Variants in PCDHA8 observed in about 807,000 individuals in gnomAD.
PCDHA8 encodes protocadherin alpha-8.
In PCDHA8, 53 loss-of-function variants were observed where a neutral mutation model predicts 61.8. The observed-to-expected ratio is 0.86, with a 90% CI of 0.69 to 1.08. The LOEUF is 1.08. PCDHA8 is among the 50% of genes least tolerant of loss of function. The pLI is 0.00. For synonymous variants in PCDHA8, 618 were observed against 556.6 expected, an observed-to-expected ratio of 1.11 and a Z score of -1.55; for missense variants, 1,293 against 1,245.0, an observed-to-expected ratio of 1.04 and a Z score of -0.58.
intron 1 of PCDHA8, chr5:140,967,333 C>T (rs113984883): frequency 1.9e-6 from 3 of 1,608,148 alleles, no homozygotes; most frequent in Admixed American, 1.7e-5. Context: ...AGCTCAGCCC[C>T]AGCGAGCACT....
At chr5:140,937,316 C>T (rs1355509287) in intron 1 of PCDHA8, among the ~76,000 whole-genome samples, 7 of 152,044 alleles carry the variant, frequency 4.6e-5, no homozygotes, top group Admixed American at 3.9e-4. Context: ...GGATTACAGG[C>T]GTGAGCCACC....
chr5:140,934,915 A>G (rs1324840546), intron 1 of PCDHA8, among the ~76,000 whole-genome samples: 3 of 152,132 alleles, frequency 2.0e-5, no homozygotes, highest in Non-Finnish European at 4.4e-5. Context: ...ATAATTATGG[A>G]TTCACATAAA....
At chr5:141,008,410 A>G (rs782459591) in intron 3 of PCDHA8, among the ~76,000 whole-genome samples, 33 of 152,184 alleles carry the variant, frequency 2.2e-4, no homozygotes, top group Non-Finnish European at 3.7e-4. Context: ...TTCCAATGTC[A>G]TGGCCACTGG....
chr5:140,910,864 A>G (rs2153516118), intron 1 of PCDHA8, among the ~76,000 whole-genome samples: 1 of 152,266 alleles, frequency 6.6e-6, no homozygotes, highest in Non-Finnish European at 1.5e-5. Context: ...TCCATCCACC[A>G]TTATCCCACA....
intron 1 of PCDHA8, 55 bp downstream of exon 1, chr5:140,843,770 C>A: frequency 6.8e-7 from 1 of 1,463,438 alleles, no homozygotes; most frequent in Non-Finnish European, 9.4e-7. Flanking sequence ...ATTGTAGTTA[C>A]TTTAAAAGTG....
At chr5:140,960,488 GT>G (rs1373763536) in intron 1 of PCDHA8, among the ~76,000 whole-genome samples, 4 of 152,150 alleles carry the variant, frequency 2.6e-5, no homozygotes, top group African/African-American at 9.7e-5. Flanking sequence ...AGAGGTGTAG[GT>G]TTGTTTGTTC....
chr5:140,982,604 A>G, intron 3 of PCDHA8, 41 bp downstream of exon 3: 1 of 1,607,164 alleles, frequency 6.2e-7, no homozygotes, highest in Non-Finnish European at 8.5e-7. Context: ...TGGTTTCTGG[A>G]AAGTGATCAG....
At chr5:140,883,621 C>T (rs368758287) in intron 1 of PCDHA8, 80 of 1,613,850 alleles carry the variant, frequency 5.0e-5, no homozygotes, top group Non-Finnish European at 6.4e-5. Flanking sequence ...TGAACGACAA[C>T]GCGCCGGCGT....
At position 140,855,779 on chromosome 5, in the gene PCDHA8, A is replaced by T. The variant is rs1017564312; in HGVS notation, c.2394+12064A>T. On this transcript the variant is annotated intron_variant, in intron 1 of 3. Transcript: ENST00000531613. ...AAAGTCCATAGACATAAAAATACGT[A>T]AAAAAAGAATTAACATATGAATGAA... is the stretch of plus-strand genomic sequence containing the variant. 1.2e-5 allele frequency: 5 copies of T among 408,902 alleles called. 1 individual carries two copies. Among genetic ancestry groups the T allele is most frequent in the African/African-American group, 2.0e-5 (1 of 49,354 alleles). The allele number at this position is 408,902 out of a possible 1,614,324, so 25.3% of individuals were successfully genotyped here.
In PCDHA8 at chr5:140,943,140, C is replaced by CCCAGCTA. The variant is rs377502817; in HGVS notation, c.2395-35807_2395-35801dup. 5.8e-3 allele frequency among the ~76,000 whole-genome samples: 878 copies of CCCAGCTA among 151,552 alleles called. 7 individuals are homozygous for CCCAGCTA. The highest frequency in any genetic ancestry group is 0.021 in the African/African-American group (851 of 41,302). On this transcript the variant is annotated intron_variant, in intron 1 of 3. Transcript: ENST00000531613. ...AGGTGTGGTAGTGGGTGCCTGTAGT[C>CCCAGCTA]CCAGCTACTCTGGAGGCTGAGGCAG...
chr5:140,902,258 G>A (rs1389556264), intron 1 of PCDHA8, among the ~76,000 whole-genome samples: 2 of 137,592 alleles, frequency 1.5e-5, no homozygotes, highest in African/African-American at 5.6e-5. Context: ...GGCTGGTCTC[G>A]AACTCCTGGG....
At chr5:140,955,146 T>C (rs184262984) in intron 1 of PCDHA8, among the ~76,000 whole-genome samples, 10 of 152,338 alleles carry the variant, frequency 6.6e-5, no homozygotes, top group African/African-American at 2.4e-4. Context: ...TCTGTTTTTG[T>C]ACCAGTACCG....
chr5:140,911,055 G>A lies in PCDHA8; in HGVS notation c.2394+67340G>A, dbSNP rs576580251. The stretch of plus-strand genomic sequence containing the variant: ...CTAGAAGCAAACAGGGGTGGTGGGG[G>A]GTGGGTCCTGAGGAGAATCAACATT... On this transcript the variant is annotated intron_variant, in intron 1 of 3. Transcript: ENST00000531613. 5.3e-5 allele frequency among the ~76,000 whole-genome samples: 8 copies of A among 152,158 alleles called. 1 individual carries two copies. The highest frequency in any genetic ancestry group is 5.2e-4 in the Admixed American group (8 of 15,266).
intron 1 of PCDHA8, chr5:140,883,472 A>G (rs782442737): frequency 1.2e-5 from 20 of 1,614,018 alleles, no homozygotes; most frequent in Non-Finnish European, 1.4e-5. Context: ...GTCCACCTAC[A>G]AGAACTACTA....
At chr5:140,970,773 T>G (rs1385909769) in intron 1 of PCDHA8, among the ~76,000 whole-genome samples, 1 of 152,240 alleles carries the variant, frequency 6.6e-6, no homozygotes, top group Non-Finnish European at 1.5e-5. Context: ...TTGCTGTACA[T>G]ACATATTGTA....
intron 1 of PCDHA8, among the ~76,000 whole-genome samples, chr5:140,940,983 C>T (rs572659107): frequency 6.6e-6 from 1 of 152,176 alleles, no homozygotes; most frequent in Non-Finnish European, 1.5e-5. Context: ...TATCTAGTTA[C>T]AAGTTTATAG....
chr5:140,851,140 G>C, intron 1 of PCDHA8: 1 of 1,310,362 alleles, frequency 7.6e-7, no homozygotes, highest in Non-Finnish European at 9.9e-7. Flanking sequence ...TGATTAAAGT[G>C]ACATTGAATT....
At chr5:140,882,558 G>C (rs782792864) in intron 1 of PCDHA8, 3 of 1,614,130 alleles carry the variant, frequency 1.9e-6, no homozygotes, top group African/African-American at 1.3e-5. Flanking sequence ...GAGCTGTGTG[G>C]GCGGAGCGCG....
At chr5:141,005,701 CAAA>C (rs59860837) in intron 3 of PCDHA8, among the ~76,000 whole-genome samples, 30 of 7,778 alleles carry the variant, frequency 3.9e-3, no homozygotes, top group African/African-American at 0.012. Context: ...AACTCCGTCT[CAAA>C]AAAAAAAAAA....
Sources: allele counts gnomAD v4.1 joint callset (sites outside exome capture counted in the v4.1 genomes callset), GRCh38; gene constraint gnomAD v4.1.1; transcripts MANE v1.5; gene names NCBI Gene and HGNC (gene_info 2026-07-23, HGNC 2026-07-21).